Variants in NRXN3 observed in about 807,000 individuals in gnomAD.
NRXN3 encodes neurexin III.
Under a neutral mutation model 137.6 loss-of-function variants are expected in NRXN3, and 32 were observed. That is an observed-to-expected ratio of 0.23 (90% CI 0.18 to 0.31). NRXN3 has a LOEUF of 0.31. Ranked by LOEUF, NRXN3 falls within the 10% of genes least tolerant of loss-of-function variation. The pLI is 1.00. For synonymous variants in NRXN3, 798 were observed against 784.5 expected, an observed-to-expected ratio of 1.02 and a Z score of -0.29; for missense variants, 1,574 against 2,062.5, an observed-to-expected ratio of 0.76 and a Z score of 4.59.
At chr14:78,717,496 G>A (rs1191588406) in intron 8 of NRXN3, among the ~76,000 whole-genome samples, 4 of 152,058 alleles carry the variant, frequency 2.6e-5, no homozygotes, top group African/African-American at 9.7e-5. Context: ...CCTACTAATT[G>A]TTTTTTGCCC....
chr14:79,147,753 T>C (rs929922481), intron 15 of NRXN3, among the ~76,000 whole-genome samples: 1 of 152,100 alleles, frequency 6.6e-6, no homozygotes, highest in Non-Finnish European at 1.5e-5. Flanking sequence ...CAGGGATGGA[T>C]GCAGGCAGCA....
chr14:78,601,033 A>T (rs2097197498), intron 4 of NRXN3, among the ~76,000 whole-genome samples: 2 of 152,152 alleles, frequency 1.3e-5, no homozygotes, highest in South Asian at 4.1e-4. Context: ...TTACTGCCCT[A>T]GTTCAGGGTT....
At chr14:78,606,790 C>T (rs1229291661) in intron 4 of NRXN3, among the ~76,000 whole-genome samples, 1 of 152,140 alleles carries the variant, frequency 6.6e-6, no homozygotes, top group East Asian at 1.9e-4. Context: ...ACCATATACT[C>T]TCTGTTGCAA....
At chr14:79,626,625 A>G (rs1310641205) in intron 16 of NRXN3, among the ~76,000 whole-genome samples, 2 of 152,178 alleles carry the variant, frequency 1.3e-5, no homozygotes, top group Non-Finnish European at 2.9e-5. Context: ...ATGAAATATG[A>G]CATTTGATTT....
At chr14:78,186,199 T>G (rs1467644901) in intron 1 of NRXN3, among the ~76,000 whole-genome samples, 1 of 152,098 alleles carries the variant, frequency 6.6e-6, no homozygotes, top group Non-Finnish European at 1.5e-5. Flanking sequence ...AGTGAAAGGG[T>G]GACAGTAAAG....
In NRXN3 at chr14:78,397,160, C is replaced by T. The variant is rs1474620398; in HGVS notation, c.757+99300C>T. Among the ~76,000 whole-genome samples the T allele has an allele frequency of 3.3e-5, 5 of 152,190 alleles. No individual in the cohort carries two copies. In the East Asian group the frequency reaches 7.7e-4, roughly 23 times the overall value. On this transcript the variant is annotated intron_variant, in intron 4 of 20. Coordinates refer to ENST00000335750, the MANE Select transcript of NRXN3 (RefSeq NM_001330195.2). ...TGTGGATTTAAACATTTTATTTAACCTGCTTGCACTTTACTAATCTTCTTG... is the reference window on the plus strand; with the variant it reads ...TGTGGATTTAAACATTTTATTTAACTTGCTTGCACTTTACTAATCTTCTTG...
intron 20 of NRXN3, among the ~76,000 whole-genome samples, chr14:79,842,395 C>A (rs2099357836): frequency 6.6e-6 from 1 of 152,046 alleles, no homozygotes; most frequent in Non-Finnish European, 1.5e-5. Flanking sequence ...AAGCACTGAG[C>A]AAGGCAAGGG....
chr14:79,438,666 C>T (rs2153565361), intron 15 of NRXN3, among the ~76,000 whole-genome samples: 1 of 152,264 alleles, frequency 6.6e-6, no homozygotes, highest in African/African-American at 2.4e-5. Context: ...TTTACCTCCT[C>T]AAAAGCTATT....
At chr14:79,054,812 T>G (rs994472247) in intron 15 of NRXN3, among the ~76,000 whole-genome samples, 9 of 152,218 alleles carry the variant, frequency 5.9e-5, no homozygotes, top group Non-Finnish European at 1.0e-4. Flanking sequence ...GTTTGGACTG[T>G]GGAAAGACAA....
chr14:78,712,658 G>A (rs1015291404), intron 7 of NRXN3, among the ~76,000 whole-genome samples: 12 of 152,198 alleles, frequency 7.9e-5, no homozygotes, highest in African/African-American at 2.9e-4. Context: ...CACCTCCCGG[G>A]TCCAAGGAAT....
chr14:79,492,788 C>T (rs149798034), intron 16 of NRXN3, among the ~76,000 whole-genome samples: 1 of 152,292 alleles, frequency 6.6e-6, no homozygotes. Context: ...TTTCCACGGC[C>T]AGATACTCTT....
At chr14:78,207,528 A>T (rs1199931989) in intron 1 of NRXN3, among the ~76,000 whole-genome samples, 1 of 152,194 alleles carries the variant, frequency 6.6e-6, no homozygotes, top group African/African-American at 2.4e-5. Context: ...AGAGCTACAC[A>T]GGCAACTCCT....
chr14:79,126,252 G>A (rs2056419188), intron 15 of NRXN3, among the ~76,000 whole-genome samples: 1 of 151,846 alleles, frequency 6.6e-6, no homozygotes, highest in Admixed American at 6.6e-5. Context: ...GTATACATGT[G>A]CCGTGCTGGT....
chr14:79,068,352 G>A (rs939879879), intron 15 of NRXN3, among the ~76,000 whole-genome samples: 3 of 151,988 alleles, frequency 2.0e-5, no homozygotes, highest in Admixed American at 6.6e-5. Flanking sequence ...AAAATAAAAA[G>A]TTAGAAAAGA....
chr14:78,829,523 T>G (rs188976123), intron 10 of NRXN3, among the ~76,000 whole-genome samples: 1 of 151,960 alleles, frequency 6.6e-6, no homozygotes, highest in African/African-American at 2.4e-5. Flanking sequence ...GTAAAATAGC[T>G]CAACTATTAG....
At chr14:78,521,949 G>T (rs1403884134) in intron 4 of NRXN3, among the ~76,000 whole-genome samples, 2 of 152,110 alleles carry the variant, frequency 1.3e-5, no homozygotes, top group African/African-American at 4.8e-5. Context: ...TAATTTCACT[G>T]ATAAGTGAGC....
At chr14:79,024,311 T>C (rs1327933523) in intron 15 of NRXN3, among the ~76,000 whole-genome samples, 2 of 152,182 alleles carry the variant, frequency 1.3e-5, no homozygotes, top group Non-Finnish European at 2.9e-5. Context: ...ACCTGTGTGC[T>C]GAAACACAAG....
chr14:78,805,967 A>C (rs940891427), intron 9 of NRXN3, among the ~76,000 whole-genome samples: 1 of 151,792 alleles, frequency 6.6e-6, no homozygotes, highest in African/African-American at 2.4e-5. Context: ...TACATCCCAC[A>C]TGCATTTCTA....
intron 15 of NRXN3, among the ~76,000 whole-genome samples, chr14:79,327,776 G>T (rs1402086858): frequency 6.6e-6 from 1 of 152,124 alleles, no homozygotes; most frequent in Non-Finnish European, 1.5e-5. Flanking sequence ...CTTGGAGGAG[G>T]ACAGTATCTT....
Sources: allele counts gnomAD v4.1 joint callset (sites outside exome capture counted in the v4.1 genomes callset), GRCh38; gene constraint gnomAD v4.1.1; transcripts MANE v1.5; gene names NCBI Gene and HGNC (gene_info 2026-07-23, HGNC 2026-07-21).